Variants in FAM3C observed in about 807,000 individuals in gnomAD.
The protein encoded by FAM3C is FAM3 metabolism regulating signaling molecule C.
A neutral mutation model predicts 32.5 loss-of-function variants in FAM3C; 15 were observed. That is an observed-to-expected ratio of 0.46 (90% CI 0.31 to 0.71). The LOEUF (loss-of-function observed/expected upper bound fraction) is 0.71. Ranked by LOEUF, FAM3C falls within the 30% of genes least tolerant of loss-of-function variation. The pLI, the probability that FAM3C is intolerant of heterozygous loss-of-function variation, is 0.05. For missense variants in FAM3C, 175 were observed against 274.4 expected (o/e 0.64, Z 2.56); for synonymous variants, 75 against 86.1 (o/e 0.87, Z 0.72).
intron 1 of FAM3C, among the ~76,000 whole-genome samples, chr7:121,391,638 T>C (rs1463904143): frequency 6.6e-6 from 1 of 152,172 alleles, no homozygotes. Context: ...AGAATTTAAG[T>C]GCACCAGGGT....
intron 1 of FAM3C, among the ~76,000 whole-genome samples, chr7:121,391,718 G>A (rs527931382): frequency 6.6e-6 from 1 of 152,240 alleles, no homozygotes; most frequent in East Asian, 1.9e-4. Context: ...ATCGCCCAAG[G>A]GTCCTGGATG....
In FAM3C at chr7:121,362,898, T is replaced by C; in HGVS notation, c.381A>G (p.Gly127=). 1 of 1,533,484 alleles carries C rather than the reference T, an allele frequency of 6.5e-7. No individual in the cohort carries two copies. The highest frequency in any genetic ancestry group is 2.3e-5 in the East Asian group (1 of 43,990). 95.0% of individuals were successfully genotyped at this position (1,533,484 alleles called of 1,614,324 possible). A position where few individuals can be genotyped will look rare whatever the true frequency, so the allele number is the denominator to read the frequency against. Residue 127 remains glycine, a splice_region_variant and synonymous_variant, in exon 7 of 10, where the codon GGA becomes GGG. Transcript: ENST00000359943. ...LDTKYFDMWG[G]DVAPFIEFLK... is the part of the protein sequence containing the mutation. ...CACAGTCATGTTATTTATGCTTACC[T>C]CCTCCCCACATGTCAAAATATTTAG...
At chr7:121,396,367 A>G (rs1292218306), upstream of FAM3C, 1 of 151,262 alleles carries the variant, frequency 6.6e-6, no homozygotes, top group Non-Finnish European at 1.5e-5. Flanking sequence ...GCCGCGACCA[A>G]TGGGCCCCCG....
intron 3 of FAM3C, among the ~76,000 whole-genome samples, chr7:121,374,539 ATCC>A (rs1210059531): frequency 6.6e-6 from 1 of 152,194 alleles, no homozygotes; most frequent in Non-Finnish European, 1.5e-5. Context: ...TATAGCAAGA[ATCC>A]TCCTACTGGA....
intron 1 of FAM3C, among the ~76,000 whole-genome samples, chr7:121,386,216 T>C (rs928694913): frequency 6.6e-6 from 1 of 152,146 alleles, no homozygotes; most frequent in African/African-American, 2.4e-5. Flanking sequence ...ACCTACTTAA[T>C]ATTAACAAAC....
intron 5 of FAM3C, 129 bp downstream of exon 5, chr7:121,371,171 A>G (rs1794137305): frequency 8.6e-7 from 1 of 1,163,724 alleles, no homozygotes; most frequent in Non-Finnish European, 1.2e-6. Flanking sequence ...AAAACTACAT[A>G]ACAAAAATGG....
intron 5 of FAM3C, among the ~76,000 whole-genome samples, chr7:121,366,169 C>T (rs1794021228): frequency 6.6e-6 from 1 of 152,106 alleles, no homozygotes; most frequent in Non-Finnish European, 1.5e-5. Flanking sequence ...AGAGTTACCA[C>T]CTAAAACAAA....
chr7:121,356,855 G>A (rs970572016), intron 8 of FAM3C, among the ~76,000 whole-genome samples: 2 of 152,142 alleles, frequency 1.3e-5, no homozygotes, highest in African/African-American at 4.8e-5. Context: ...GGTCGGGGTG[G>A]AAAGTAGGTA....
chr7:121,360,729 G>A (rs62476348), intron 7 of FAM3C, among the ~76,000 whole-genome samples: 2,268 of 152,238 alleles, frequency 0.015, 27 homozygotes, highest in Non-Finnish European at 0.023. Context: ...AGCTACTCAG[G>A]AAGTTGAGGC....
chr7:121,352,938 G>A (rs867820814), intron 8 of FAM3C, among the ~76,000 whole-genome samples: 54 of 152,176 alleles, frequency 3.5e-4, no homozygotes, highest in African/African-American at 1.2e-3. Flanking sequence ...TTTTGCTGCT[G>A]TAACAAGAAT....
At chr7:121,364,234 A>G in intron 5 of FAM3C, 46 bp from the exon 6 acceptor site, 1 of 1,218,326 alleles carries the variant, frequency 8.2e-7, no homozygotes, top group Non-Finnish European at 1.2e-6. Context: ...AATATTGTAC[A>G]ATAACATATC....
chr7:121,351,475 G>T, intron 8 of FAM3C: 2 of 479,806 alleles, frequency 4.2e-6, no homozygotes, highest in South Asian at 4.7e-5. Flanking sequence ...TTAATTTTAA[G>T]TTTATTCTAT....
In FAM3C at chr7:121,389,504, C is replaced by T. The variant is rs79596379; in HGVS notation, c.-41-6494G>A. Among the ~76,000 whole-genome samples, 15 of 152,266 alleles carry T rather than the reference C, an allele frequency of 9.9e-5. No homozygotes were observed. The East Asian group carries it at 2.5e-3, about 25-fold the overall frequency. Reference sequence around the variant, plus strand: ...ACCTTAAGCAGGTGGGGTTGCTCTTCACTGAATTCTCATTAATGGGGAAAG... The same window carrying T: ...ACCTTAAGCAGGTGGGGTTGCTCTTTACTGAATTCTCATTAATGGGGAAAG... On this transcript the variant is annotated intron_variant, in intron 1 of 9. Transcript: ENST00000359943.
chr7:121,387,481 C>A (rs1022142391), intron 1 of FAM3C, among the ~76,000 whole-genome samples: 4 of 152,012 alleles, frequency 2.6e-5, no homozygotes, highest in African/African-American at 9.7e-5. Context: ...GTGCTCCACA[C>A]GTGTTCATCA....
At chr7:121,368,793 G>C (rs1380319471) in intron 5 of FAM3C, among the ~76,000 whole-genome samples, 1 of 151,720 alleles carries the variant, frequency 6.6e-6, no homozygotes, top group Non-Finnish European at 1.5e-5. Context: ...ACCAAGGATG[G>C]TCTTCCTTTC....
At chr7:121,357,231 G>C (rs1287439831) in intron 8 of FAM3C, among the ~76,000 whole-genome samples, 2 of 152,106 alleles carry the variant, frequency 1.3e-5, no homozygotes, top group Non-Finnish European at 2.9e-5. Flanking sequence ...GAGAGAGAGA[G>C]AGTGAGTGAG....
intron 8 of FAM3C, among the ~76,000 whole-genome samples, chr7:121,356,395 TA>T (rs1006738085): frequency 7.2e-5 from 11 of 152,182 alleles, no homozygotes; most frequent in Admixed American, 6.5e-4. Context: ...AAGAGAAAAC[TA>T]AAAGAAAAAT....
At chr7:121,385,514 A>G (rs1264365898) in intron 1 of FAM3C, among the ~76,000 whole-genome samples, 2 of 152,164 alleles carry the variant, frequency 1.3e-5, no homozygotes, top group Non-Finnish European at 2.9e-5. Context: ...ACTTCTTTAC[A>G]TGGTTGACAA....
At chr7:121,384,337 C>T (rs185301059) in intron 1 of FAM3C, among the ~76,000 whole-genome samples, 101 of 152,278 alleles carry the variant, frequency 6.6e-4, no homozygotes, top group African/African-American at 2.4e-3. Flanking sequence ...GAAGTATCCA[C>T]AAACCATCAC....
Sources: gnomAD v4.1 joint callset for allele counts (sites outside exome capture counted in the v4.1 genomes callset) on GRCh38, gnomAD v4.1.1 for gene constraint, MANE v1.5 for transcripts, NCBI Gene and HGNC (gene_info 2026-07-23, HGNC 2026-07-21) for gene names.